The following DPP9 variants were observed in gnomAD, a reference collection of about 807,000 sequenced individuals.
DPP9 encodes dipeptidyl peptidase IV-related protein-2.
In DPP9, 50 loss-of-function variants were observed where a neutral mutation model predicts 110.7. The ratio of observed to expected loss-of-function variants is 0.45; its 90% CI spans 0.36 to 0.57. The LOEUF (loss-of-function observed/expected upper bound fraction) is 0.57. Among genes scored for constraint, DPP9 ranks in the 20% least tolerant of loss-of-function variants. The pLI, the probability that DPP9 is intolerant of heterozygous loss-of-function variation, is 0.00. For synonymous variants in DPP9, 561 were observed against 514.4 expected (o/e 1.09, Z -1.23); for missense variants, 1,022 against 1,217.9 (o/e 0.84, Z 2.39).
In DPP9 at chr19:4,682,353, G is replaced by T. The variant is rs559920364; in HGVS notation, c.2474+343C>A. Among the ~76,000 whole-genome samples, 1 of 152,216 alleles carries T rather than the reference G, an allele frequency of 6.6e-6. No individual in the cohort carries two copies. The highest frequency in any genetic ancestry group is 1.5e-5 in the Non-Finnish European group (1 of 68,026). On this transcript the variant is annotated intron_variant, in intron 20 of 21. Coordinates refer to ENST00000262960, the MANE Select transcript of DPP9 (RefSeq NM_139159.5). This position sits in a 1 kb window ranked among gnomAD's most constrained non-coding sequence, Gnocchi z 7.1. ...AGCACAAGACAGAGGCTGTGATGGG[G>T]CCTCCAGCAGGATGCAGGGGAGTGG... is the stretch of plus-strand genomic sequence containing the variant.
At position 4,714,170 on chromosome 19, in the gene DPP9, C is replaced by A; in HGVS notation, c.224G>T (p.Gly75Val). 1 of 1,612,734 alleles carries A rather than the reference C, an allele frequency of 6.2e-7. No homozygotes were observed. The highest frequency in any genetic ancestry group is 8.5e-7 in the Non-Finnish European group (1 of 1,179,406). The change falls in exon 4 of 22, where the codon GGC (glycine) becomes GTC (valine). Residue 75 changes from glycine (G) to valine (V), a missense_variant. Gly to Val is a moderately radical substitution (Grantham distance 109). Around this residue, in one of 3 missense-constraint regions of DPP9, gnomAD observed 810 missense variants for 920.6 expected, o/e 0.88. Transcript: ENST00000262960. ...SIIHGSRKYS[G>V]LIVNKAPHDF... The stretch of plus-strand genomic sequence containing the variant: ...GTGGGGCGCCTTGTTGACAATGAGG[C>A]CCGAGTACTTGCGGCTGCCGTGGAT...
intron 2 of DPP9, among the ~76,000 whole-genome samples, chr19:4,720,751 C>T (rs2093284598): frequency 6.6e-6 from 1 of 152,190 alleles, no homozygotes; most frequent in Non-Finnish European, 1.5e-5. Flanking sequence ...GATAACCCAC[C>T]TCAGAGAAGG....
At chr19:4,680,931 G>A (rs975401743) in intron 20 of DPP9, among the ~76,000 whole-genome samples, 8 of 151,980 alleles carry the variant, frequency 5.3e-5, no homozygotes, top group African/African-American at 9.7e-5. Flanking sequence ...CACTCCAGCC[G>A]GGACCACAGA....
intron 21 of DPP9, among the ~76,000 whole-genome samples, chr19:4,678,046 G>C (rs1262028187): frequency 1.3e-5 from 2 of 152,086 alleles, no homozygotes; most frequent in Non-Finnish European, 2.9e-5. Context: ...ACTTCCTGTG[G>C]GGAGGCAGTG....
rs181984292 is a variant in DPP9 at position 4,692,344 on chromosome 19, C to T, written c.1517-1387G>A. Among the ~76,000 whole-genome samples, 81 of 152,274 alleles carry T rather than the reference C, an allele frequency of 5.3e-4. 1 individual carries two copies. Among genetic ancestry groups the T allele is most frequent in the African/African-American group, 1.9e-3 (80 of 41,550 alleles). ...CCTTTTAGGTCTAAACAAGCTACGGCAAACGTGTCTGTCAGGAGCACGGGA... is the reference window on the plus strand; with the variant it reads ...CCTTTTAGGTCTAAACAAGCTACGGTAAACGTGTCTGTCAGGAGCACGGGA... On this transcript the variant is annotated intron_variant, in intron 13 of 21. Transcript: ENST00000262960.
intron 13 of DPP9, among the ~76,000 whole-genome samples, chr19:4,692,469 G>T (rs1302381356): frequency 6.6e-6 from 1 of 152,120 alleles, no homozygotes; most frequent in Non-Finnish European, 1.5e-5. Flanking sequence ...CAAGACCCAG[G>T]CTCCTGCCCG....
At chr19:4,714,422 G>A in intron 3 of DPP9, 85 bp from the exon 4 acceptor site, 1 of 1,427,000 alleles carries the variant, frequency 7.0e-7, no homozygotes, top group South Asian at 1.5e-5. Context: ...GAGGCACTCA[G>A]GTTCTTCCAG....
At chr19:4,690,805 G>A (rs13346537) in intron 14 of DPP9, 73 bp downstream of exon 14, 107,235 of 1,130,468 alleles carry the variant, frequency 0.095, 6,066 homozygotes, top group African/African-American at 0.23. Context: ...ATGCGCGTGC[G>A]TGTGTGTGTG....
Position 4,718,692 on chromosome 19 carries a change from C to T in DPP9, c.56+1159G>A, listed in dbSNP as rs983422988. The stretch of plus-strand genomic sequence containing the variant: ...CAGATAAGGGAAGGGACACAGATCC[C>T]CTTCAGTAACTGACCCCTAAGGCAT... On this transcript the variant is annotated intron_variant, in intron 3 of 21. Transcript: ENST00000262960. This position sits in a 1 kb window ranked among gnomAD's most constrained non-coding sequence, Gnocchi z 4.3. Among the ~76,000 whole-genome samples the T allele has an allele frequency of 6.6e-6, 1 of 152,178 alleles. No homozygotes were observed. The highest frequency in any genetic ancestry group is 2.4e-5 in the African/African-American group (1 of 41,440).
chr19:4,684,491 C>T lies in DPP9; in HGVS notation c.2178+172G>A, dbSNP rs985001484. ...CGCAGCCCAGAGCTGAGCAGCAAAG[C>T]ATACATCCCCTTTTGTTCTAAAAGG... On this transcript the variant is annotated intron_variant, in intron 18 of 21. Transcript: ENST00000262960. The surrounding 1 kb of genome is among the most constrained non-coding windows in gnomAD (Gnocchi z 4.8). The T allele has an allele frequency of 5.7e-6, 4 of 706,342 alleles. No individual in the cohort carries two copies. The highest frequency in any genetic ancestry group is 9.3e-6 in the Non-Finnish European group (4 of 431,590). 43.8% of individuals were successfully genotyped at this position (706,342 alleles called of 1,614,324 possible).
chr19:4,679,981 G>T, intron 20 of DPP9, 35 bp from the exon 21 acceptor site: 1 of 1,514,656 alleles, frequency 6.6e-7, no homozygotes, highest in East Asian at 2.3e-5. Flanking sequence ...TGAGGCCAGG[G>T]ATTGTCCGTG....
In DPP9 at chr19:4,695,006, C is replaced by A. The variant is rs966227411; in HGVS notation, c.1354-183G>T. On this transcript the variant is annotated intron_variant, in intron 12 of 21. Coordinates refer to ENST00000262960, the MANE Select transcript of DPP9 (RefSeq NM_139159.5). The surrounding 1 kb of genome is among the most constrained non-coding windows in gnomAD (Gnocchi z 4.7). ...CTCTAAAAATAAATAAATAAATTAG[C>A]CAGGCATGGTGGTGCAGGCTTGTGG... 2 of 638,056 alleles carry A rather than the reference C, an allele frequency of 3.1e-6. No homozygotes were observed. The highest frequency in any genetic ancestry group is 5.4e-6 in the Non-Finnish European group (2 of 372,364). 39.5% of individuals were successfully genotyped at this position (638,056 alleles called of 1,614,324 possible).
Position 4,714,352 on chromosome 19 carries a change from C to G in DPP9, c.57-15G>C. 1 of 1,478,932 alleles carries G rather than the reference C, an allele frequency of 6.8e-7. No individual in the cohort carries two copies. Among genetic ancestry groups the G allele is most frequent in the African/African-American group, 1.4e-5 (1 of 71,036 alleles). 91.6% of individuals were successfully genotyped at this position (1,478,932 alleles called of 1,614,324 possible). A position where few individuals can be genotyped will look rare whatever the true frequency, so the allele number is the denominator to read the frequency against. On this transcript the variant is annotated splice_polypyrimidine_tract_variant and intron_variant, in intron 3 of 21. Coordinates refer to ENST00000262960, the MANE Select transcript of DPP9 (RefSeq NM_139159.5). ...TCAGCGAGAAGCTGCGGGGAGGAAG[C>G]AAAGACTATGAGAAAGGAGAACTGT...
In DPP9 at chr19:4,700,366, G is replaced by T. The variant is rs555059950; in HGVS notation, c.1013-89C>A. ...CGGGGGGCCTGGGCTGTGGGGTGAC[G>T]TCCACAGAGAGGTGTACAATTGGAG... On this transcript the variant is annotated intron_variant, in intron 9 of 21. Coordinates refer to ENST00000262960, the MANE Select transcript of DPP9 (RefSeq NM_139159.5). The surrounding 1 kb of genome is among the most constrained non-coding windows in gnomAD (Gnocchi z 4.3). 4.6e-6 allele frequency: 5 copies of T among 1,081,170 alleles called. No individual in the cohort carries two copies. The South Asian group carries it at 8.2e-5, about 18-fold the overall frequency. The allele number at this position is 1,081,170 out of a possible 1,614,324, so 67.0% of individuals were successfully genotyped here.
chr19:4,700,281 CA>C lies in DPP9; in HGVS notation c.1013-5del. The C allele has an allele frequency of 3.8e-6, 6 of 1,595,434 alleles. No individual in the cohort carries two copies. Among genetic ancestry groups the C allele is most frequent in the East Asian group, 2.3e-5 (1 of 44,244 alleles). ...GCAATCTTGGGATTCTTGCTGCCTGCAAAAACCGAAGTGAGGTGAACACCAG... is the reference window on the plus strand; with the variant it reads ...GCAATCTTGGGATTCTTGCTGCCTGCAAAACCGAAGTGAGGTGAACACCAG... On this transcript the variant is annotated splice_polypyrimidine_tract_variant and splice_region_variant and intron_variant, in intron 9 of 21. Coordinates refer to ENST00000262960, the MANE Select transcript of DPP9 (RefSeq NM_139159.5). The surrounding 1 kb of genome is among the most constrained non-coding windows in gnomAD (Gnocchi z 4.3).
Position 4,689,621 on chromosome 19 carries a change from C to T in DPP9, c.1698G>A (p.Glu566=). 1 of 1,573,098 alleles carries T rather than the reference C, an allele frequency of 6.4e-7. No homozygotes were observed. Among genetic ancestry groups the T allele is most frequent in the Non-Finnish European group, 8.6e-7 (1 of 1,159,734 alleles). The change falls in exon 15 of 22, where the codon GAG becomes GAA. Residue 566 remains glutamate (E), a synonymous_variant. Transcript: ENST00000262960. The surrounding 1 kb of genome is among the most constrained non-coding windows in gnomAD (Gnocchi z 7.0). The stretch of plus-strand genomic sequence containing the variant: ...AGCCGGGCGTGGTGAGGCGTACGAT[C>T]TCGCCGGCCGCCTCATAGCTGACCA... ...LYVVSYEAAG[E]IVRLTTPGFS... is the part of the protein sequence containing the mutation.
chr19:4,706,516 C>G (rs1265494528), intron 4 of DPP9, among the ~76,000 whole-genome samples: 2 of 150,930 alleles, frequency 1.3e-5, no homozygotes, highest in African/African-American at 4.9e-5. Context: ...GAGGGCAAAA[C>G]CATCAAAAAG....
intron 4 of DPP9, among the ~76,000 whole-genome samples, chr19:4,707,922 G>T (rs551347829): frequency 1.3e-5 from 2 of 152,116 alleles, no homozygotes; most frequent in African/African-American, 4.8e-5. Context: ...CACCACACCC[G>T]GCCCTTGCTT....
chr19:4,679,756 C>G (rs1429342057), intron 21 of DPP9, 79 bp downstream of exon 21: 63 of 1,138,528 alleles, frequency 5.5e-5, no homozygotes, highest in Non-Finnish European at 7.6e-5. Context: ...CAGTGGGAAG[C>G]CACCCCGCCT....
Sources: gnomAD v4.1 joint callset for allele counts (sites outside exome capture counted in the v4.1 genomes callset) on GRCh38, gnomAD v4.1.1 for gene constraint, gnomAD v4.1.1 regional missense constraint, Gnocchi (gnomAD v3.1) non-coding constraint, MANE v1.5 for transcripts, NCBI Gene and HGNC (gene_info 2026-07-23, HGNC 2026-07-21) for gene names.